The following P3H2 variants were observed in gnomAD, a reference collection of about 807,000 sequenced individuals.
P3H2 encodes prolyl 3-hydroxylase 2.
In P3H2, 80 loss-of-function variants were observed where a neutral mutation model predicts 87.0. That is an observed-to-expected ratio of 0.92 (90% confidence interval 0.77 to 1.11). The LOEUF is 1.11. P3H2 is among the 50% of genes least tolerant of loss of function. The probability of loss-of-function intolerance (pLI) is 0.00; values close to 1 mark genes in which losing one functional copy is unlikely to be tolerated. For missense variants in P3H2, 1,001 were observed against 923.9 expected (o/e 1.08, Z -1.08); for synonymous variants, 367 against 359.3 (o/e 1.02, Z -0.24).
chr3:190,051,119 A>T (rs1447942), intron 1 of P3H2, among the ~76,000 whole-genome samples: 127,465 of 152,182 alleles, frequency 0.84, 53,836 homozygotes, highest in African/African-American at 0.95. Context: ...TAATTTGATA[A>T]GTTAGAATCA....
At chr3:190,097,522 G>A (rs540000396) in intron 1 of P3H2, among the ~76,000 whole-genome samples, 36 of 152,104 alleles carry the variant, frequency 2.4e-4, no homozygotes, top group Non-Finnish European at 4.9e-4. Flanking sequence ...CTGTGCTCTG[G>A]GGCCAATTCA....
intron 1 of P3H2, among the ~76,000 whole-genome samples, chr3:190,024,165 A>T (rs1658704896): frequency 1.3e-5 from 2 of 152,236 alleles, no homozygotes; most frequent in African/African-American, 4.8e-5. Context: ...AATATCTATC[A>T]GAGTACACAT....
In P3H2 at chr3:190,095,662, G is replaced by A. The variant is rs1270289308; in HGVS notation, c.480+24590C>T. On this transcript the variant is annotated intron_variant, in intron 1 of 14. Coordinates refer to ENST00000319332, the MANE Select transcript of P3H2 (RefSeq NM_018192.4). ...GTCACCCAGGCTGGAGTGCAGTGGC[G>A]TGATCTCGGCTCACTGCAAGCTCCG... Among the ~76,000 whole-genome samples, 5 of 149,060 alleles carry A rather than the reference G, an allele frequency of 3.4e-5. No homozygotes were observed. The East Asian group carries it at 7.9e-4, about 24-fold the overall frequency.
intron 8 of P3H2, among the ~76,000 whole-genome samples, chr3:189,975,845 C>G (rs1723332960): frequency 6.6e-6 from 1 of 152,210 alleles, no homozygotes; most frequent in South Asian, 2.1e-4. Flanking sequence ...GTTTCTCAAT[C>G]TAGAGTAATG....
intron 14 of P3H2, among the ~76,000 whole-genome samples, chr3:189,961,977 C>T (rs925521409): frequency 1.3e-5 from 2 of 151,900 alleles, no homozygotes; most frequent in African/African-American, 4.8e-5. Flanking sequence ...ACTGTCTACC[C>T]ATTGACATAG....
At chr3:189,982,468 T>C (rs939207003) in intron 8 of P3H2, among the ~76,000 whole-genome samples, 4 of 152,222 alleles carry the variant, frequency 2.6e-5, no homozygotes, top group African/African-American at 9.6e-5. Context: ...CTAATTTTCA[T>C]CTTACATAAG....
At chr3:190,009,827 C>T (rs1386862109) in intron 1 of P3H2, among the ~76,000 whole-genome samples, 6 of 152,176 alleles carry the variant, frequency 3.9e-5, no homozygotes, top group Non-Finnish European at 1.5e-5. Context: ...TTTGCCTCTA[C>T]ATGGAGACAG....
At chr3:190,120,048 A>G (rs1334385267) in intron 1 of P3H2, among the ~76,000 whole-genome samples, 1 of 152,194 alleles carries the variant, frequency 6.6e-6, no homozygotes, top group Non-Finnish European at 1.5e-5. Context: ...GGCTCTGAGA[A>G]AGAGAGAAAA....
At chr3:190,072,400 C>G (rs2108973782) in intron 1 of P3H2, among the ~76,000 whole-genome samples, 1 of 152,176 alleles carries the variant, frequency 6.6e-6, no homozygotes, top group East Asian at 1.9e-4. Context: ...GGCAGTGGCT[C>G]TAGGAATCAG....
At chr3:190,107,533 TTTA>T (rs1270345415) in intron 1 of P3H2, among the ~76,000 whole-genome samples, 2 of 152,130 alleles carry the variant, frequency 1.3e-5, no homozygotes, top group African/African-American at 2.4e-5. Flanking sequence ...TTGAGCAGTT[TTTA>T]TTATTATCTT....
At chr3:189,984,358 G>T (rs1453237409) in intron 7 of P3H2, among the ~76,000 whole-genome samples, 192 bp downstream of exon 7, 1 of 151,956 alleles carries the variant, frequency 6.6e-6, no homozygotes, top group Non-Finnish European at 1.5e-5. Flanking sequence ...GAAAGCAGAA[G>T]ATATATTACC....
intron 1 of P3H2, among the ~76,000 whole-genome samples, chr3:190,007,661 T>C (rs1447780067): frequency 1.3e-5 from 2 of 151,970 alleles, no homozygotes; most frequent in African/African-American, 2.4e-5. Flanking sequence ...AAAAAAATGT[T>C]TATTTTGATG....
chr3:189,957,770 A>G lies in P3H2; in HGVS notation c.*142T>C. 1.5e-6 allele frequency: 1 copy of G among 667,100 alleles called. No individual in the cohort carries two copies. The highest frequency in any genetic ancestry group is 2.6e-6 in the Non-Finnish European group (1 of 377,996). The allele number at this position is 667,100 out of a possible 1,614,324, so 41.3% of individuals were successfully genotyped here. On this transcript the variant is annotated 3_prime_UTR_variant, in exon 15 of 15. Coordinates refer to ENST00000319332, the MANE Select transcript of P3H2 (RefSeq NM_018192.4). Reference sequence around the variant, plus strand: ...AGATAGATTGATAGATTGAGGCAACACAAGCATCCTTAGGAAGAGAAGGAA... The same window carrying G: ...AGATAGATTGATAGATTGAGGCAACGCAAGCATCCTTAGGAAGAGAAGGAA...
intron 8 of P3H2, among the ~76,000 whole-genome samples, chr3:189,978,672 C>G (rs1333497066): frequency 3.3e-5 from 5 of 151,864 alleles, no homozygotes; most frequent in African/African-American, 1.2e-4. Context: ...AACGACCCAT[C>G]ACCCATCAAC....
At chr3:190,037,654 T>G (rs1725466416) in intron 1 of P3H2, among the ~76,000 whole-genome samples, 1 of 152,228 alleles carries the variant, frequency 6.6e-6, no homozygotes, top group Admixed American at 6.5e-5. Context: ...TTTAAATTAC[T>G]GACACTTATT....
chr3:190,113,725 C>T (rs1445074037), intron 1 of P3H2, among the ~76,000 whole-genome samples: 1 of 152,118 alleles, frequency 6.6e-6, no homozygotes, highest in Non-Finnish European at 1.5e-5. Flanking sequence ...TAACAGAATC[C>T]ATTTGATTCT....
At position 190,111,756 on chromosome 3, in the gene P3H2, C is replaced by T. The variant is rs1020067034; in HGVS notation, c.480+8496G>A. On this transcript the variant is annotated intron_variant, in intron 1 of 14. Coordinates refer to ENST00000319332, the MANE Select transcript of P3H2 (RefSeq NM_018192.4). ...TCTTTCTTATGAGGTTTCAAAGACA[C>T]AGAAAATTTTGTACAGAATCCCATG... Among the ~76,000 whole-genome samples the T allele has an allele frequency of 1.1e-4, 17 of 152,154 alleles. No individual in the cohort carries two copies. In the East Asian group the frequency reaches 1.2e-3, roughly 10 times the overall value.
chr3:190,069,788 T>C (rs912087478), intron 1 of P3H2, among the ~76,000 whole-genome samples: 1 of 152,154 alleles, frequency 6.6e-6, no homozygotes, highest in African/African-American at 2.4e-5. Flanking sequence ...AGAAAGCTGA[T>C]GGCCAGTAAC....
At chr3:189,994,895 G>C (rs1332704128) in intron 2 of P3H2, among the ~76,000 whole-genome samples, 1 of 152,052 alleles carries the variant, frequency 6.6e-6, no homozygotes, top group African/African-American at 2.4e-5. Context: ...GAAAATCACA[G>C]TATAATCCTG....
Sources: gnomAD v4.1 joint callset for allele counts (sites outside exome capture counted in the v4.1 genomes callset) on GRCh38, gnomAD v4.1.1 for gene constraint, MANE v1.5 for transcripts, NCBI Gene and HGNC (gene_info 2026-07-23, HGNC 2026-07-21) for gene names.